Variants in NCOA5 observed in about 807,000 individuals in gnomAD.
NCOA5 encodes NCoA-5.
In NCOA5, 12 loss-of-function variants were observed where a neutral mutation model predicts 59.0. That is an observed-to-expected ratio of 0.20 (90% CI 0.13 to 0.33). The LOEUF is 0.33. Ranked by LOEUF, NCOA5 falls within the 10% of genes least tolerant of loss-of-function variation. NCOA5 has a pLI of 1.00. For synonymous variants in NCOA5, 270 were observed against 275.5 expected, an observed-to-expected ratio of 0.98 and a Z score of 0.20; for missense variants, 655 against 766.6, an observed-to-expected ratio of 0.85 and a Z score of 1.72.
intron 1 of NCOA5, among the ~76,000 whole-genome samples, chr20:46,082,594 C>T (rs567754268): frequency 3.9e-5 from 6 of 152,298 alleles, no homozygotes; most frequent in Admixed American, 2.6e-4. Flanking sequence ...GTGTCTTCTC[C>T]ACTTCAGTTT....
rs1160169495 is a variant in NCOA5, at chr20:46,062,862, G to T, written c.1178C>A (p.Ala393Glu). Residue 393 changes from alanine to glutamate, a missense_variant, in exon 8 of 8, where the codon GCG becomes GAG. Ala to Glu is a moderately radical substitution (Grantham distance 107). Transcript: ENST00000290231. ...TGTCTTCAGCGAGGCACCCGAGGTC[G>T]CCCCGAGTGGTTGGCGGGAAATCGG... ...PGPISRQPLG[A>E]TSGASLKTQP... 5.3e-6 allele frequency: 8 copies of T among 1,519,082 alleles called. No homozygotes were observed. Among genetic ancestry groups the T allele is most frequent in the Non-Finnish European group, 7.0e-6 (8 of 1,134,956 alleles). 94.1% of individuals were successfully genotyped at this position (1,519,082 alleles called of 1,614,324 possible). A position where few individuals can be genotyped will look rare whatever the true frequency, so the allele number is the denominator to read the frequency against.
rs1399207839 is a variant in NCOA5 at position 46,068,594 on chromosome 20, C to T, written c.410G>A (p.Cys137Tyr). 1.2e-6 allele frequency: 2 copies of T among 1,613,592 alleles called. No individual in the cohort carries two copies. Among genetic ancestry groups the T allele is most frequent in the African/African-American group, 1.3e-5 (1 of 74,914 alleles). Residue 137 changes from cysteine (C) to tyrosine (Y), a missense_variant, in exon 4 of 8, where the codon TGC becomes TAC. Transcript: ENST00000290231. ...YDRYLRMDDY[C>Y]RRKDDSYFDR... ...AAAATAAGAGTCATCCTTTCTCCTG[C>T]AATAGTCATCCATTCGTAGGTATCG...
Position 46,062,146 on chromosome 20 carries a change from C to A in NCOA5, c.*154G>T, listed in dbSNP as rs896221864. ...ACTTTGTAAGGAATAAGCAACACAG[C>A]CTTGGGCAGAAGAGAGAGCAGGTGG... On this transcript the variant is annotated 3_prime_UTR_variant, in exon 8 of 8. Transcript: ENST00000290231. 1 of 613,066 alleles carries A rather than the reference C, an allele frequency of 1.6e-6. No individual in the cohort carries two copies. The highest frequency in any genetic ancestry group is 2.8e-5 in the East Asian group (1 of 36,314). 38.0% of individuals were successfully genotyped at this position (613,066 alleles called of 1,614,324 possible).
rs563105421 is a variant in NCOA5, at chr20:46,083,775, C to G, written c.-29-4322G>C. Among the ~76,000 whole-genome samples the G allele has an allele frequency of 9.2e-5, 14 of 152,334 alleles. No homozygotes were observed. In the East Asian group the frequency reaches 2.7e-3, roughly 29 times the overall value. On this transcript the variant is annotated intron_variant, in intron 1 of 7. Transcript: ENST00000290231. ...TACTGACAAGACAGAGAATATCACA[C>G]ATTAAATCCCCCAAATTGGGAGGGG...
intron 1 of NCOA5, among the ~76,000 whole-genome samples, chr20:46,082,154 A>G (rs765307130): frequency 6.6e-6 from 1 of 152,192 alleles, no homozygotes; most frequent in Non-Finnish European, 1.5e-5. Context: ...AAAGGAAGAA[A>G]CCAGAAAATA....
At chr20:46,063,960 A>G (rs1471459239) in intron 6 of NCOA5, among the ~76,000 whole-genome samples, 6 of 152,136 alleles carry the variant, frequency 3.9e-5, no homozygotes, top group Non-Finnish European at 1.5e-5. Flanking sequence ...GAAACATGAC[A>G]TCCTCCCACA....
chr20:46,089,538 A>T (rs1026558176), intron 1 of NCOA5, among the ~76,000 whole-genome samples: 1 of 152,134 alleles, frequency 6.6e-6, no homozygotes, highest in Non-Finnish European at 1.5e-5. Flanking sequence ...CCGTTCGTGC[A>T]CAGACAGGCG....
chr20:46,085,070 G>T (rs1000196533), intron 1 of NCOA5, among the ~76,000 whole-genome samples: 1 of 152,172 alleles, frequency 6.6e-6, no homozygotes, highest in Non-Finnish European at 1.5e-5. Context: ...CAGCTCTGTT[G>T]TCCAGGCTGG....
At chr20:46,068,016 A>G (rs1343305121) in intron 4 of NCOA5, among the ~76,000 whole-genome samples, 1 of 151,864 alleles carries the variant, frequency 6.6e-6, no homozygotes, top group African/African-American at 2.4e-5. Flanking sequence ...CTGAGACCTC[A>G]ACATCCTAGG....
intron 6 of NCOA5, among the ~76,000 whole-genome samples, chr20:46,064,640 G>A (rs901086188): frequency 1.3e-5 from 2 of 152,202 alleles, no homozygotes; most frequent in African/African-American, 2.4e-5. Context: ...GATCTCAGTG[G>A]CAAGAGCCAA....
intron 5 of NCOA5, among the ~76,000 whole-genome samples, chr20:46,066,460 C>T (rs2084824262): frequency 6.6e-6 from 1 of 152,210 alleles, no homozygotes; most frequent in African/African-American, 2.4e-5. Context: ...CCAGCGGCTA[C>T]ACCCTCTTCC....
Position 46,062,743 on chromosome 20 carries a change from C to T in NCOA5, c.1297G>A (p.Ala433Thr). The change falls in exon 8 of 8, where the codon GCC becomes ACC. Residue 433 changes from alanine to threonine, a missense_variant. Physicochemically the swap from Ala to Thr is moderately conservative, Grantham distance 58 (BLOSUM62 0). This residue lies in a region of NCOA5 where 325 missense variants were observed against 353.2 expected (regional missense o/e 0.92). Transcript: ENST00000290231. The stretch of plus-strand genomic sequence containing the variant: ...CTATTGAAGAGGCTGAGGATTTTGG[C>T]CTGAAGCTCTTGCTGGGAGGTGGGG... ...APPTSQQELQ[A>T]KILSLFNSGT... 3 of 1,611,894 alleles carry T rather than the reference C, an allele frequency of 1.9e-6. No homozygotes were observed. Among genetic ancestry groups the T allele is most frequent in the Non-Finnish European group, 1.7e-6 (2 of 1,178,476 alleles).
chr20:46,064,454 C>A (rs774715088), intron 6 of NCOA5, among the ~76,000 whole-genome samples: 23 of 152,268 alleles, frequency 1.5e-4, no homozygotes, highest in Non-Finnish European at 2.8e-4. Flanking sequence ...ACTTCGAGAA[C>A]TGGGCCTGGG....
chr20:46,075,217 G>C (rs968173237), intron 2 of NCOA5, among the ~76,000 whole-genome samples: 9 of 152,092 alleles, frequency 5.9e-5, no homozygotes, highest in African/African-American at 2.2e-4. Context: ...ACATGTCCAT[G>C]CTTTTCCTTA....
intron 5 of NCOA5, 149 bp from the exon 6 acceptor site, chr20:46,065,377 C>T: frequency 1.3e-6 from 1 of 751,342 alleles, no homozygotes; most frequent in Non-Finnish European, 2.2e-6. Flanking sequence ...CCAATACTCT[C>T]TCTCTACCCT....
Position 46,065,022 on chromosome 20 carries a change from T to A in NCOA5, c.829+7A>T, listed in dbSNP as rs1314008558. The A allele has an allele frequency of 1.2e-6, 2 of 1,614,044 alleles. No homozygotes were observed. The highest frequency in any genetic ancestry group is 1.7e-6 in the Non-Finnish European group (2 of 1,179,980). On this transcript the variant is annotated splice_region_variant and intron_variant, in intron 6 of 7. Transcript: ENST00000290231. ...TAGTGACTACCTCCGGTATTCTGAC[T>A]CTGTACCTTGCGGGGTTCCAAACAT...
rs141225364 is a variant in NCOA5 at position 46,062,820 on chromosome 20, G to A, written c.1220C>T (p.Pro407Leu). 68 of 1,548,640 alleles carry A rather than the reference G, an allele frequency of 4.4e-5. No homozygotes were observed. The African/African-American group carries it at 5.9e-4, about 13-fold the overall frequency. ...GGGGAGCACTTGGCCGCTCTGGAGC[G>A]GTTGGGAGCTTGGCTGTGTCTTCAG... ...ASLKTQPSSQ[P>L]LQSGQVLPSA... is the part of the protein sequence containing the mutation. The change falls in exon 8 of 8, where the codon CCG (proline) becomes CTG (leucine). Residue 407 changes from proline (P) to leucine (L), a missense_variant. By Grantham distance (98) the Pro-to-Leu change is moderately conservative. Around this residue, in one of 3 missense-constraint regions of NCOA5, gnomAD observed 325 missense variants for 353.2 expected, o/e 0.92. Transcript: ENST00000290231.
Position 46,067,197 on chromosome 20 carries a change from AG to A in NCOA5, c.503-17del. 3.1e-6 allele frequency: 5 copies of A among 1,609,706 alleles called. No homozygotes were observed. The highest frequency in any genetic ancestry group is 4.2e-6 in the Non-Finnish European group (5 of 1,178,556). On this transcript the variant is annotated splice_polypyrimidine_tract_variant and intron_variant, in intron 4 of 7. Transcript: ENST00000290231. ...TTCAAACGCTCTGCAAAACACCACCAGGGTAAACTGAAATAAGGACTGGACC... is the reference window on the plus strand; with the variant it reads ...TTCAAACGCTCTGCAAAACACCACCAGGTAAACTGAAATAAGGACTGGACC...
chr20:46,063,005 G>A (rs2084784318), intron 7 of NCOA5, 116 bp from the exon 8 acceptor site: 7 of 866,442 alleles, frequency 8.1e-6, no homozygotes, highest in South Asian at 6.0e-5. Context: ...GTACACAGAC[G>A]ATAACATCAA....
Sources: allele counts gnomAD v4.1 joint callset (sites outside exome capture counted in the v4.1 genomes callset), GRCh38; gene constraint gnomAD v4.1.1; regional missense constraint gnomAD v4.1.1; transcripts MANE v1.5; gene names NCBI Gene and HGNC (gene_info 2026-07-23, HGNC 2026-07-21).